The following VWC2L variants were observed in gnomAD, a reference collection of about 807,000 sequenced individuals.
VWC2L encodes von Willebrand factor C domain-containing protein 2-like.
VWC2L carries 10 observed loss-of-function variants against 21.6 expected under a neutral mutation model. The observed-to-expected ratio is 0.46, with a 90% CI of 0.29 to 0.78. The LOEUF (loss-of-function observed/expected upper bound fraction) is 0.78, where lower values mean the gene tolerates loss of function less well. Ranked by LOEUF, VWC2L falls within the 30% of genes least tolerant of loss-of-function variation. VWC2L has a pLI of 0.10. For missense variants in VWC2L, 209 were observed against 277.1 expected (o/e 0.75, Z 1.74); for synonymous variants, 96 against 94.3 (o/e 1.02, Z -0.10).
chr2:214,447,263 A>G (rs1220934408), intron 3 of VWC2L, among the ~76,000 whole-genome samples: 1 of 152,106 alleles, frequency 6.6e-6, no homozygotes, highest in Non-Finnish European at 1.5e-5. Flanking sequence ...TGAAGGTGCA[A>G]TACAACTCCT....
intron 2 of VWC2L, among the ~76,000 whole-genome samples, chr2:214,416,103 AAAG>A (rs1262055383): frequency 1.3e-5 from 2 of 152,074 alleles, no homozygotes; most frequent in Non-Finnish European, 2.9e-5. Context: ...CTAGAATACA[AAAG>A]GGTATTGTAG....
intron 3 of VWC2L, among the ~76,000 whole-genome samples, chr2:214,501,801 C>T (rs985464835): frequency 1.3e-5 from 2 of 151,778 alleles, no homozygotes; most frequent in Non-Finnish European, 2.9e-5. Flanking sequence ...TGCCATTGCT[C>T]TCTTGGGATC....
intron 3 of VWC2L, among the ~76,000 whole-genome samples, chr2:214,508,460 A>T (rs1429075211): frequency 6.6e-6 from 1 of 152,210 alleles, no homozygotes; most frequent in African/African-American, 2.4e-5. Flanking sequence ...TAACATTTAC[A>T]GTTTCCTATC....
At chr2:214,421,952 C>A (rs1026936366) in intron 2 of VWC2L, among the ~76,000 whole-genome samples, 94 of 112,562 alleles carry the variant, frequency 8.4e-4, no homozygotes, top group African/African-American at 3.7e-3. Flanking sequence ...AGTGCAGTGG[C>A]GCGATCTCGA....
chr2:214,460,862 C>T (rs1045150013), intron 3 of VWC2L, among the ~76,000 whole-genome samples: 1 of 152,110 alleles, frequency 6.6e-6, no homozygotes, highest in Admixed American at 6.5e-5. Flanking sequence ...GGTATCTGCA[C>T]ATCTAATAGG....
intron 3 of VWC2L, among the ~76,000 whole-genome samples, chr2:214,508,727 T>G (rs1406802297): frequency 6.6e-6 from 1 of 152,182 alleles, no homozygotes; most frequent in Non-Finnish European, 1.5e-5. Context: ...CCTTCACGTT[T>G]TTAGATTTTT....
At chr2:214,521,740 C>T (rs1196804098) in intron 3 of VWC2L, among the ~76,000 whole-genome samples, 1 of 152,228 alleles carries the variant, frequency 6.6e-6, no homozygotes, top group Non-Finnish European at 1.5e-5. Context: ...CCTTGCTCTA[C>T]GAAACCATAC....
chr2:214,412,136 GT>G (rs1702286429), intron 1 of VWC2L, among the ~76,000 whole-genome samples: 1 of 151,742 alleles, frequency 6.6e-6, no homozygotes, highest in Non-Finnish European at 1.5e-5. Flanking sequence ...CATATTTAAT[GT>G]TTATATAAAG....
chr2:214,548,562 A>C (rs1439196683), intron 3 of VWC2L, among the ~76,000 whole-genome samples: 2 of 152,218 alleles, frequency 1.3e-5, no homozygotes, highest in African/African-American at 4.8e-5. Flanking sequence ...GCATGGAAGC[A>C]TCCTTGATGT....
intron 3 of VWC2L, among the ~76,000 whole-genome samples, chr2:214,543,274 T>C (rs188693891): frequency 6.6e-6 from 1 of 152,364 alleles, no homozygotes; most frequent in Non-Finnish European, 1.5e-5. Context: ...TAATTCATTT[T>C]TGAGGCCTCT....
chr2:214,514,612 T>G (rs1358488235), intron 3 of VWC2L, among the ~76,000 whole-genome samples: 1 of 152,320 alleles, frequency 6.6e-6, no homozygotes, highest in Non-Finnish European at 1.5e-5. Flanking sequence ...TCATGATACA[T>G]TTTTGCAATC....
intron 3 of VWC2L, among the ~76,000 whole-genome samples, chr2:214,488,506 G>C (rs1012544152): frequency 2.0e-5 from 3 of 152,184 alleles, no homozygotes; most frequent in African/African-American, 7.2e-5. Flanking sequence ...GGCTGAGGCA[G>C]GAGGATCACT....
intron 2 of VWC2L, among the ~76,000 whole-genome samples, chr2:214,431,710 G>T (rs911762216): frequency 2.0e-5 from 3 of 152,094 alleles, no homozygotes; most frequent in Non-Finnish European, 4.4e-5. Flanking sequence ...TCTGAAAAAA[G>T]ATTTTCTAAT....
At chr2:214,436,516 T>C in intron 2 of VWC2L, 113 bp from the exon 3 acceptor site, 4 of 1,337,850 alleles carry the variant, frequency 3.0e-6, no homozygotes, top group Admixed American at 4.4e-5. Context: ...GTAAATGGAA[T>C]TAATACAGTA....
intron 3 of VWC2L, among the ~76,000 whole-genome samples, chr2:214,490,120 T>TA (rs1361425090): frequency 1.3e-5 from 2 of 152,110 alleles, no homozygotes; most frequent in Non-Finnish European, 2.9e-5. Flanking sequence ...GAGCTGATGA[T>TA]ATATTTGGGA....
At chr2:214,482,477 G>GTGTATGTA (rs60896750) in intron 3 of VWC2L, among the ~76,000 whole-genome samples, 11 of 150,412 alleles carry the variant, frequency 7.3e-5, no homozygotes, top group African/African-American at 2.7e-4. Flanking sequence ...ACATATATAC[G>GTGTATGTA]TGTATGTATG....
chr2:214,417,241 C>T (rs1314752358), intron 2 of VWC2L, among the ~76,000 whole-genome samples: 24 of 151,970 alleles, frequency 1.6e-4, no homozygotes, highest in Admixed American at 1.4e-3. Flanking sequence ...TTTATCAGAC[C>T]GTTCAGTAGA....
At chr2:214,496,713 A>G (rs1027234946) in intron 3 of VWC2L, among the ~76,000 whole-genome samples, 1 of 152,238 alleles carries the variant, frequency 6.6e-6, no homozygotes, top group African/African-American at 2.4e-5. Context: ...AAACTTCAAT[A>G]ATTAAATGTT....
intron 3 of VWC2L, among the ~76,000 whole-genome samples, chr2:214,469,214 C>A (rs565782854): frequency 6.6e-6 from 1 of 152,190 alleles, no homozygotes; most frequent in Admixed American, 6.5e-5. Context: ...TAGGAAAGAC[C>A]AATTATCTCC....
Sources: gnomAD v4.1 joint callset for allele counts (sites outside exome capture counted in the v4.1 genomes callset) on GRCh38, gnomAD v4.1.1 for gene constraint, MANE v1.5 for transcripts, NCBI Gene and HGNC (gene_info 2026-07-23, HGNC 2026-07-21) for gene names.